The following MYO5B variants were observed in gnomAD, a reference collection of about 807,000 sequenced individuals.
MYO5B encodes myosin VB, also known as unconventional myosin-Vb.
MYO5B carries 143 observed loss-of-function variants against 229.3 expected under a neutral mutation model. The observed-to-expected ratio is 0.62, with a 90% CI of 0.54 to 0.72. MYO5B has a LOEUF of 0.72. Among genes scored for constraint, MYO5B ranks in the 30% least tolerant of loss-of-function variants. MYO5B has a pLI of 0.00. For missense variants in MYO5B, 2,321 were observed against 2,331.0 expected, an observed-to-expected ratio of 1.00 and a Z score of 0.09; for synonymous variants, 918 against 885.2, an observed-to-expected ratio of 1.04 and a Z score of -0.66.
At chr18:50,019,609 T>C (rs990264462) in intron 4 of MYO5B, among the ~76,000 whole-genome samples, 1 of 152,204 alleles carries the variant, frequency 6.6e-6, no homozygotes, top group African/African-American at 2.4e-5. Flanking sequence ...GAGGTTAGGA[T>C]TCAAGGTCTT....
At chr18:50,070,557 C>T (rs553034633) in intron 1 of MYO5B, among the ~76,000 whole-genome samples, 3 of 151,940 alleles carry the variant, frequency 2.0e-5, no homozygotes, top group African/African-American at 7.3e-5. Context: ...TACCACAACA[C>T]GCAGGATAGC....
At chr18:49,958,324 G>A (rs553754144) in intron 12 of MYO5B, among the ~76,000 whole-genome samples, 179 of 152,274 alleles carry the variant, frequency 1.2e-3, no homozygotes, top group African/African-American at 3.9e-3. Context: ...TTTAACCACA[G>A]CCAAACAATC....
At position 49,853,491 on chromosome 18, in the gene MYO5B, G is replaced by A. The variant is rs779390956; in HGVS notation, c.4179C>T (p.Phe1393=). The A allele has an allele frequency of 1.4e-5, 22 of 1,614,124 alleles. No individual in the cohort carries two copies. The highest frequency in any genetic ancestry group is 8.3e-5 in the Admixed American group (5 of 60,018). Residue 1393 remains phenylalanine, a synonymous_variant, in exon 31 of 40, where the codon TTC becomes TTT. Transcript: ENST00000285039. Reference sequence around the variant, plus strand: ...GCCGGGATATTTCCTGCTGAACGCCGAATTCCACCTGGGCCTCTGGGGAGA... The same window carrying A: ...GCCGGGATATTTCCTGCTGAACGCCAAATTCCACCTGGGCCTCTGGGGAGA... The part of the protein sequence containing the change: ...LLLSPEAQVE[F]GVQQEISRLT...
chr18:50,115,005 C>G (rs575310347), intron 1 of MYO5B, among the ~76,000 whole-genome samples: 2 of 152,234 alleles, frequency 1.3e-5, no homozygotes, highest in Non-Finnish European at 2.9e-5. Flanking sequence ...TAGCAGAGAA[C>G]AGAGACGAAG....
chr18:49,939,144 T>C (rs1242736626), intron 14 of MYO5B, among the ~76,000 whole-genome samples: 5 of 133,800 alleles, frequency 3.7e-5, no homozygotes, highest in Non-Finnish European at 1.6e-5. Flanking sequence ...TCTTTCTTTT[T>C]TTTCTTTTTT....
intron 2 of MYO5B, among the ~76,000 whole-genome samples, chr18:50,043,116 A>G (rs1016294261): frequency 6.6e-6 from 1 of 151,198 alleles, no homozygotes; most frequent in Non-Finnish European, 1.5e-5. Context: ...CATTACATGA[A>G]AAAGATACTT....
chr18:50,097,777 C>A (rs1481277876), intron 1 of MYO5B, among the ~76,000 whole-genome samples: 1 of 152,236 alleles, frequency 6.6e-6, no homozygotes, highest in Non-Finnish European at 1.5e-5. Context: ...CAGGCAAACC[C>A]TGACTGCCCA....
rs370533981 is a variant in MYO5B, at chr18:49,953,281, G to C, written c.1731C>G (p.Ile577Met). The C allele has an allele frequency of 6.2e-7, 1 of 1,614,070 alleles. No individual in the cohort carries two copies. Among genetic ancestry groups the C allele is most frequent in the Non-Finnish European group, 8.5e-7 (1 of 1,180,012 alleles). Reference protein sequence around the residue: ...KNRDTVYEEQINILKASKFPL... With the variant: ...KNRDTVYEEQMNILKASKFPL... ...TTACCTTGCTGGCCTTCAGGATATTGATCTGCTCTTCATACACCGTGTCTC... is the reference window on the plus strand; with the variant it reads ...TTACCTTGCTGGCCTTCAGGATATTCATCTGCTCTTCATACACCGTGTCTC... The change falls in exon 14 of 40, where the codon ATC (isoleucine) becomes ATG (methionine). Residue 577 changes from isoleucine (I) to methionine (M), a missense_variant. Ile to Met is a conservative substitution (Grantham distance 10). Transcript: ENST00000285039.
At chr18:50,128,219 G>C (rs2032197709) in intron 1 of MYO5B, among the ~76,000 whole-genome samples, 1 of 152,188 alleles carries the variant, frequency 6.6e-6, no homozygotes, top group South Asian at 2.1e-4. Flanking sequence ...AGTAAAAGGG[G>C]AGGAAAGCTT....
At chr18:50,099,623 C>G (rs1009404333) in intron 1 of MYO5B, among the ~76,000 whole-genome samples, 1 of 152,168 alleles carries the variant, frequency 6.6e-6, no homozygotes, top group Non-Finnish European at 1.5e-5. Context: ...GAGACATTCT[C>G]AATTAGGGGT....
intron 5 of MYO5B, among the ~76,000 whole-genome samples, chr18:49,999,572 T>C (rs1264242477): frequency 6.6e-6 from 1 of 152,226 alleles, no homozygotes; most frequent in African/African-American, 2.4e-5. Context: ...TATGCTGTAA[T>C]AGTTAGTAAA....
chr18:50,089,976 G>A (rs2031412853), intron 1 of MYO5B, among the ~76,000 whole-genome samples: 1 of 152,112 alleles, frequency 6.6e-6, no homozygotes, highest in Non-Finnish European at 1.5e-5. Flanking sequence ...AATCCCCTGA[G>A]ACCTATGCAA....
At chr18:49,953,953 A>ATATG (rs1568045428) in intron 13 of MYO5B, among the ~76,000 whole-genome samples, 5 of 41,856 alleles carry the variant, frequency 1.2e-4, no homozygotes, top group Admixed American at 2.2e-4. Context: ...ATATACAGAC[A>ATATG]TGTGTGTGTG....
At position 49,826,355 on chromosome 18, in the gene MYO5B, C is replaced by T; in HGVS notation, c.*116G>A. 2.3e-6 allele frequency: 3 copies of T among 1,304,082 alleles called. No individual in the cohort carries two copies. The highest frequency in any genetic ancestry group is 1.3e-5 in the South Asian group (1 of 78,980). 80.8% of individuals were successfully genotyped at this position (1,304,082 alleles called of 1,614,324 possible). ...TAGTTCAGCACCCTCCACAGGCTGT[C>T]AATCTCTGATTTGATCTACTTTTAC... is the stretch of plus-strand genomic sequence containing the variant. On this transcript the variant is annotated 3_prime_UTR_variant, in exon 40 of 40. Coordinates refer to ENST00000285039, the MANE Select transcript of MYO5B (RefSeq NM_001080467.3).
At chr18:49,973,287 C>T (rs531805223) in intron 10 of MYO5B, among the ~76,000 whole-genome samples, 2 of 152,256 alleles carry the variant, frequency 1.3e-5, no homozygotes, top group East Asian at 3.9e-4. Context: ...GGATGAGCAA[C>T]AGCATCAGAG....
intron 4 of MYO5B, 116 bp from the exon 5 acceptor site, chr18:50,001,527 G>T: frequency 8.2e-7 from 1 of 1,224,730 alleles, no homozygotes; most frequent in Non-Finnish European, 1.2e-6. Context: ...TACTTTAATG[G>T]ATAAACGCAG....
intron 12 of MYO5B, among the ~76,000 whole-genome samples, chr18:49,960,642 T>C (rs1464154434): frequency 6.6e-6 from 1 of 152,198 alleles, no homozygotes; most frequent in Non-Finnish European, 1.5e-5. Context: ...CAATTAAACC[T>C]GTTACAAAAA....
At chr18:49,991,716 C>A (rs1277675902) in intron 6 of MYO5B, among the ~76,000 whole-genome samples, 2 of 152,088 alleles carry the variant, frequency 1.3e-5, no homozygotes, top group Non-Finnish European at 2.9e-5. Context: ...GGAGAAATAC[C>A]TAATGTAGAT....
intron 8 of MYO5B, 47 bp from the exon 9 acceptor site, chr18:49,980,600 C>T: frequency 7.2e-7 from 1 of 1,385,004 alleles, no homozygotes; most frequent in Non-Finnish European, 1.0e-6. Flanking sequence ...CATGGTCGGA[C>T]AGAAAGGACA....
Sources: gnomAD v4.1 joint callset for allele counts (sites outside exome capture counted in the v4.1 genomes callset) on GRCh38, gnomAD v4.1.1 for gene constraint, MANE v1.5 for transcripts, NCBI Gene and HGNC (gene_info 2026-07-23, HGNC 2026-07-21) for gene names.